ST6GAL2: variants seen among roughly 807,000 people sequenced by gnomAD.
ST6GAL2 encodes the protein beta-galactoside alpha-2,6-sialyltransferase 2.
ST6GAL2 carries 24 observed loss-of-function variants against 37.5 expected under a neutral mutation model. That is an observed-to-expected ratio of 0.64 (90% CI 0.46 to 0.90). The LOEUF is 0.90. ST6GAL2 is among the 40% of genes least tolerant of loss of function. ST6GAL2 has a pLI of 0.00. For missense variants in ST6GAL2, 715 were observed against 712.7 expected, an observed-to-expected ratio of 1.00 and a Z score of -0.04; for synonymous variants, 306 against 295.1, an observed-to-expected ratio of 1.04 and a Z score of -0.38.
rs577223766 is a variant in ST6GAL2 at position 106,840,042 on chromosome 2, G to A, written c.943+2993C>T. ...CAGTGGAGCAAACACCAGGGGGAGC[G>A]AAAGGGCAGCCAGTAAGCAAACCTG... is the stretch of plus-strand genomic sequence containing the variant. On this transcript the variant is annotated intron_variant, in intron 2 of 5. Transcript: ENST00000409382. Among the ~76,000 whole-genome samples the A allele has an allele frequency of 4.6e-5, 7 of 152,286 alleles. No homozygotes were observed. The East Asian group carries it at 9.7e-4, about 21-fold the overall frequency.
chr2:106,844,053 G>A lies in ST6GAL2; in HGVS notation c.-57-19C>T. The A allele has an allele frequency of 2.4e-6, 3 of 1,261,602 alleles. No individual in the cohort carries two copies. Among genetic ancestry groups the A allele is most frequent in the South Asian group, 1.4e-5 (1 of 69,936 alleles). The allele number at this position is 1,261,602 out of a possible 1,614,324, so 78.2% of individuals were successfully genotyped here. A position where few individuals can be genotyped will look rare whatever the true frequency, so the allele number is the denominator to read the frequency against. ...AATGAACCTGAAAAACAGCCAGATG[G>A]CAGTTAGCCAACATGGGGCATCTGC... On this transcript the variant is annotated intron_variant, in intron 1 of 5. Transcript: ENST00000409382.
Position 106,830,162 on chromosome 2 carries a change from T to C in ST6GAL2, c.1222A>G (p.Ile408Val). The C allele has an allele frequency of 1.2e-6, 2 of 1,613,918 alleles. No individual in the cohort carries two copies. The highest frequency in any genetic ancestry group is 2.2e-5 in the East Asian group (1 of 44,862). ...RQRNPNQPFYILHPKFIWQLW... is the reference protein window; with the variant it reads ...RQRNPNQPFYVLHPKFIWQLW... ...TGCCATATAAATTTAGGATGAAGAA[T>C]GTAAAATGGCTGATTTGGGTTTCTC... The change falls in exon 5 of 6, where the codon ATT becomes GTT. Residue 408 changes from isoleucine (I) to valine (V), a missense_variant. Around this residue, in one of 3 missense-constraint regions of ST6GAL2, gnomAD observed 198 missense variants for 203.6 expected, o/e 0.97. Coordinates refer to ENST00000409382, the MANE Select transcript of ST6GAL2 (RefSeq NM_001142351.2).
At chr2:106,844,156 A>G (rs545874934) in intron 1 of ST6GAL2, 122 bp from the exon 2 acceptor site, 46 of 520,788 alleles carry the variant, frequency 8.8e-5, no homozygotes, top group Admixed American at 7.9e-4. Flanking sequence ...GGGGCACTAG[A>G]AACCAGAATC....
At position 106,806,466 on chromosome 2, in the gene ST6GAL2, T is replaced by C. The variant is rs1346262450; in HGVS notation, c.*212A>G. On this transcript the variant is annotated 3_prime_UTR_variant, in exon 6 of 6. Transcript: ENST00000409382. ...AGCTATCCTTGGTTTTGCATCTTTC[T>C]TGAGCCTTATTTTTTTAAAAAAACC... The C allele has an allele frequency of 1.0e-5, 6 of 573,208 alleles. No individual in the cohort carries two copies. The highest frequency in any genetic ancestry group is 1.5e-5 in the Non-Finnish European group (5 of 336,328). The allele number at this position is 573,208 out of a possible 1,614,324, so 35.5% of individuals were successfully genotyped here. A position where few individuals can be genotyped will look rare whatever the true frequency, so the allele number is the denominator to read the frequency against.
intron 5 of ST6GAL2, chr2:106,813,013 T>C: frequency 8.2e-7 from 1 of 1,222,598 alleles, no homozygotes; most frequent in South Asian, 4.3e-5. Context: ...GATCAAGATT[T>C]AGACACGTTT....
chr2:106,846,942 G>A (rs1677169447), intron 1 of ST6GAL2, among the ~76,000 whole-genome samples: 1 of 152,156 alleles, frequency 6.6e-6, no homozygotes, highest in African/African-American at 2.4e-5. Flanking sequence ...GAGCAATTAA[G>A]TAACTTGCCC....
chr2:106,843,233 C>T lies in ST6GAL2; in HGVS notation c.745G>A (p.Ala249Thr), dbSNP rs1444167346. The change falls in exon 2 of 6, where the codon GCA becomes ACA. Residue 249 changes from alanine (A) to threonine (T), a missense_variant. Ala to Thr is a moderately conservative substitution (Grantham distance 58). Coordinates refer to ENST00000409382, the MANE Select transcript of ST6GAL2 (RefSeq NM_001142351.2). Reference protein sequence around the residue: ...RGKREAGLSRAQLLCQLRSRA... With the variant: ...RGKREAGLSRTQLLCQLRSRA... ...CTCCGCAGCTGGCACAGCAGCTGTGCCCTGCTCAGCCCGGCCTCCCGCTTC... is the reference window on the plus strand; with the variant it reads ...CTCCGCAGCTGGCACAGCAGCTGTGTCCTGCTCAGCCCGGCCTCCCGCTTC... The T allele has an allele frequency of 1.9e-6, 3 of 1,577,268 alleles. No individual in the cohort carries two copies. The highest frequency in any genetic ancestry group is 2.3e-5 in the East Asian group (1 of 43,050).
In ST6GAL2 at chr2:106,806,764, C is replaced by A. The variant is rs1675427775; in HGVS notation, c.1504G>T (p.Asp502Tyr). 6.2e-7 allele frequency: 1 copy of A among 1,613,932 alleles called. No homozygotes were observed. Among genetic ancestry groups the A allele is most frequent in the Non-Finnish European group, 8.5e-7 (1 of 1,179,940 alleles). ...VQRLNMGTQG[D>Y]LHRKGKVVLP... ...ACCACCTTGCCCTTGCGATGCAAAT[C>A]CCCCTGCGTGCCCATGTTCAGGCGC... The change falls in exon 6 of 6, where the codon GAT becomes TAT. Residue 502 changes from aspartate (D) to tyrosine (Y), a missense_variant. Around this residue, in one of 3 missense-constraint regions of ST6GAL2, gnomAD observed 198 missense variants for 203.6 expected, o/e 0.97. Coordinates refer to ENST00000409382, the MANE Select transcript of ST6GAL2 (RefSeq NM_001142351.2).
At chr2:106,839,889 AT>A (rs1404718079) in intron 2 of ST6GAL2, among the ~76,000 whole-genome samples, 2 of 152,220 alleles carry the variant, frequency 1.3e-5, no homozygotes, top group African/African-American at 4.8e-5. Context: ...TTCCAAAACA[AT>A]TAGTTTGTTT....
At chr2:106,810,858 G>A (rs926821238) in intron 5 of ST6GAL2, among the ~76,000 whole-genome samples, 1 of 152,098 alleles carries the variant, frequency 6.6e-6, no homozygotes, top group African/African-American at 2.4e-5. Context: ...AGGCTGAGGT[G>A]GCAGGATCAC....
At chr2:106,836,918 T>A (rs1676668066) in intron 2 of ST6GAL2, among the ~76,000 whole-genome samples, 1 of 126,452 alleles carries the variant, frequency 7.9e-6, no homozygotes, top group Non-Finnish European at 1.5e-5. Context: ...CACTACAACC[T>A]GAGCAACAGG....
intron 1 of ST6GAL2, among the ~76,000 whole-genome samples, chr2:106,855,358 T>A (rs765342861): frequency 1.3e-5 from 2 of 152,202 alleles, no homozygotes; most frequent in Non-Finnish European, 2.9e-5. Context: ...AGAGCTACAC[T>A]TAAAAAGATA....
chr2:106,832,333 G>A (rs189761308), intron 4 of ST6GAL2, among the ~76,000 whole-genome samples: 5 of 152,202 alleles, frequency 3.3e-5, no homozygotes, highest in Admixed American at 6.5e-5. Context: ...TCCCCCACCC[G>A]GCTGCCCTGC....
In ST6GAL2 at chr2:106,840,213, T is replaced by C. The variant is rs542836375; in HGVS notation, c.943+2822A>G. Among the ~76,000 whole-genome samples the C allele has an allele frequency of 3.4e-4, 52 of 152,318 alleles. 1 individual carries two copies. The highest frequency in any genetic ancestry group is 1.2e-3 in the African/African-American group (51 of 41,562). ...AAGATCGTGATCTTTGGTAAGTCTTTTGATCTTCATTTAGCCAATTCACAA... is the reference window on the plus strand; with the variant it reads ...AAGATCGTGATCTTTGGTAAGTCTTCTGATCTTCATTTAGCCAATTCACAA... On this transcript the variant is annotated intron_variant, in intron 2 of 5. Transcript: ENST00000409382.
intron 5 of ST6GAL2, among the ~76,000 whole-genome samples, chr2:106,811,929 C>T (rs149515949): frequency 6.2e-4 from 95 of 152,258 alleles, no homozygotes; most frequent in African/African-American, 2.1e-3. Context: ...GAACCAGGTG[C>T]GAGCTTCAAG....
At chr2:106,853,461 A>C (rs1223567855) in intron 1 of ST6GAL2, among the ~76,000 whole-genome samples, 1 of 152,212 alleles carries the variant, frequency 6.6e-6, no homozygotes, top group Non-Finnish European at 1.5e-5. Flanking sequence ...AATAAATGAC[A>C]AGCAATATGG....
chr2:106,861,369 T>C (rs1031284346), intron 1 of ST6GAL2, among the ~76,000 whole-genome samples: 3 of 152,232 alleles, frequency 2.0e-5, no homozygotes, highest in Admixed American at 6.5e-5. Context: ...TCATGGCATA[T>C]AAACTGCCAA....
intron 5 of ST6GAL2, among the ~76,000 whole-genome samples, chr2:106,811,900 C>T (rs1351159259): frequency 6.6e-6 from 1 of 152,054 alleles, no homozygotes. Flanking sequence ...AAGAAGTGTA[C>T]AGGGTAAAAA....
chr2:106,835,738 A>C (rs766837292), intron 2 of ST6GAL2, among the ~76,000 whole-genome samples: 1 of 152,208 alleles, frequency 6.6e-6, no homozygotes, highest in Non-Finnish European at 1.5e-5. Flanking sequence ...CAGTTCACAA[A>C]ACAAAAAATA....
Sources: allele counts gnomAD v4.1 joint callset (sites outside exome capture counted in the v4.1 genomes callset), GRCh38; gene constraint gnomAD v4.1.1; regional missense constraint gnomAD v4.1.1; transcripts MANE v1.5; gene names NCBI Gene and HGNC (gene_info 2026-07-23, HGNC 2026-07-21).